Variants in ADAM12 observed in about 807,000 individuals in gnomAD.
The protein encoded by ADAM12 is ADAM metallopeptidase domain 12.
A neutral mutation model predicts 106.4 loss-of-function variants in ADAM12; 70 were observed. That is an observed-to-expected ratio of 0.66 (90% CI 0.54 to 0.80). The LOEUF (loss-of-function observed/expected upper bound fraction) is 0.80. Ranked by LOEUF, ADAM12 falls within the 30% of genes least tolerant of loss-of-function variation. ADAM12 has a pLI of 0.00. For missense variants in ADAM12, 1,010 were observed against 1,171.9 expected (o/e 0.86, Z 2.02); for synonymous variants, 420 against 433.5 (o/e 0.97, Z 0.39).
chr10:126,351,047 C>T (rs3847473), intron 1 of ADAM12, among the ~76,000 whole-genome samples: 10,494 of 152,268 alleles, frequency 0.069, 680 homozygotes, highest in East Asian at 0.25. Flanking sequence ...TGAAATGAAG[C>T]AGGGTGTGGA....
chr10:126,292,578 C>A (rs1960201816), intron 2 of ADAM12, among the ~76,000 whole-genome samples: 1 of 152,206 alleles, frequency 6.6e-6, no homozygotes, highest in African/African-American at 2.4e-5. Context: ...CTCCACCTGC[C>A]TCCTCTTCCT....
At chr10:126,229,191 G>A (rs1483898404) in intron 3 of ADAM12, among the ~76,000 whole-genome samples, 2 of 152,050 alleles carry the variant, frequency 1.3e-5, no homozygotes, top group Admixed American at 6.6e-5. Context: ...GGAGGGAGAG[G>A]AACCAGGAGG....
In ADAM12 at chr10:126,015,660, G is replaced by A. The variant is rs1953649434; in HGVS notation, c.*1619C>T. ...CACCGGGAAAGTGAAATGCAGTTTT[G>A]TTTTCTGGAAGGCAAACCAAGATTC... On this transcript the variant is annotated 3_prime_UTR_variant, in exon 23 of 23. Coordinates refer to ENST00000448723, the MANE Select transcript of ADAM12 (RefSeq NM_001288973.2). 6.6e-6 allele frequency: 1 copy of A among 152,100 alleles called. No individual in the cohort carries two copies. Among genetic ancestry groups the A allele is most frequent in the African/African-American group, 2.4e-5 (1 of 41,424 alleles). 9.4% of individuals were successfully genotyped at this position (152,100 alleles called of 1,614,324 possible).
At chr10:126,030,300 A>T (rs542965635) in intron 21 of ADAM12, among the ~76,000 whole-genome samples, 1 of 152,220 alleles carries the variant, frequency 6.6e-6, no homozygotes, top group East Asian at 1.9e-4. Flanking sequence ...TCCAATTTTG[A>T]GTGTTTGAAA....
At chr10:126,027,382 C>G (rs572618841) in intron 21 of ADAM12, among the ~76,000 whole-genome samples, 1 of 152,010 alleles carries the variant, frequency 6.6e-6, no homozygotes, top group Admixed American at 6.5e-5. Flanking sequence ...TCTGTGAGGC[C>G]AACAGCATCC....
intron 6 of ADAM12, among the ~76,000 whole-genome samples, chr10:126,117,294 C>T (rs73378660): frequency 0.018 from 2,703 of 152,240 alleles, 77 homozygotes; most frequent in African/African-American, 0.062. Context: ...TGACACTACA[C>T]GTGTCAGGAA....
intron 3 of ADAM12, among the ~76,000 whole-genome samples, chr10:126,251,835 T>A (rs1170082915): frequency 7.2e-6 from 1 of 137,968 alleles, no homozygotes; most frequent in Non-Finnish European, 1.5e-5. Flanking sequence ...ATAGGATAGA[T>A]GGATGAATGG....
At chr10:126,280,232 A>T (rs1460150535) in intron 2 of ADAM12, among the ~76,000 whole-genome samples, 1 of 152,146 alleles carries the variant, frequency 6.6e-6, no homozygotes, top group African/African-American at 2.4e-5. Flanking sequence ...TTGGGAAAAA[A>T]AAATGAGTTA....
In ADAM12 at chr10:126,077,106, A is replaced by G. The variant is rs1955117867; in HGVS notation, c.1146-5452T>C. On this transcript the variant is annotated intron_variant, in intron 11 of 22. Transcript: ENST00000448723. ...AAACCAGTAGCATTTCTCTACACCAATAATGTTCTAGCTGAGAACAAAATC... is the reference window on the plus strand; with the variant it reads ...AAACCAGTAGCATTTCTCTACACCAGTAATGTTCTAGCTGAGAACAAAATC... Among the ~76,000 whole-genome samples, 3 of 152,208 alleles carry G rather than the reference A, an allele frequency of 2.0e-5. No individual in the cohort carries two copies. In the East Asian group the frequency reaches 5.8e-4, roughly 29 times the overall value.
At chr10:126,187,444 A>G (rs565691985) in intron 3 of ADAM12, among the ~76,000 whole-genome samples, 1 of 152,320 alleles carries the variant, frequency 6.6e-6, no homozygotes, top group African/African-American at 2.4e-5. Context: ...CAAGGAAATC[A>G]AAATGCTGAC....
intron 3 of ADAM12, among the ~76,000 whole-genome samples, chr10:126,247,294 G>T (rs1033558582): frequency 6.6e-6 from 1 of 152,134 alleles, no homozygotes; most frequent in African/African-American, 2.4e-5. Flanking sequence ...AAATATCACT[G>T]CATAAAATGT....
At chr10:126,247,009 T>C (rs545292270) in intron 3 of ADAM12, among the ~76,000 whole-genome samples, 1 of 152,322 alleles carries the variant, frequency 6.6e-6, no homozygotes, top group African/African-American at 2.4e-5. Flanking sequence ...AGCCCAAAAG[T>C]TGCTTAAACT....
chr10:126,051,640 T>G (rs11593638), intron 14 of ADAM12, among the ~76,000 whole-genome samples: 4 of 150,636 alleles, frequency 2.7e-5, no homozygotes, highest in East Asian at 2.0e-4. Context: ...CGTCCATCCA[T>G]CCAGCCAGCC....
At chr10:126,128,201 A>G (rs182891455) in intron 5 of ADAM12, among the ~76,000 whole-genome samples, 3 of 152,246 alleles carry the variant, frequency 2.0e-5, no homozygotes, top group Admixed American at 2.0e-4. Flanking sequence ...CCATGAGGAC[A>G]AGGAAAGGTG....
intron 3 of ADAM12, among the ~76,000 whole-genome samples, chr10:126,274,149 G>A (rs1391433669): frequency 6.6e-6 from 1 of 152,152 alleles, no homozygotes; most frequent in East Asian, 1.9e-4. Flanking sequence ...CCTATGATGA[G>A]CCACGCTGTC....
intron 3 of ADAM12, among the ~76,000 whole-genome samples, chr10:126,188,248 C>T (rs1477414792): frequency 2.6e-5 from 4 of 152,170 alleles, no homozygotes; most frequent in African/African-American, 9.6e-5. Flanking sequence ...GGAATCTAAG[C>T]TTTTACAACT....
intron 3 of ADAM12, among the ~76,000 whole-genome samples, chr10:126,240,609 C>A (rs937872688): frequency 3.3e-5 from 5 of 152,214 alleles, no homozygotes; most frequent in Non-Finnish European, 7.3e-5. Context: ...GACCTGAAGG[C>A]TGAGAAGGAG....
rs192496165 is a variant in ADAM12, at chr10:126,047,684, A to G, written c.1918-1552T>C. On this transcript the variant is annotated intron_variant, in intron 16 of 22. Coordinates refer to ENST00000448723, the MANE Select transcript of ADAM12 (RefSeq NM_001288973.2). ...GTTGTGGAGAAAAAGGAACACTTAT[A>G]TACTGCTGGTGGAGTGTAAATTAGT... Among the ~76,000 whole-genome samples, 3 of 152,362 alleles carry G rather than the reference A, an allele frequency of 2.0e-5. No individual in the cohort carries two copies. In the East Asian group the frequency reaches 5.8e-4, roughly 29 times the overall value.
At chr10:126,033,959 A>G (rs997990396) in intron 21 of ADAM12, among the ~76,000 whole-genome samples, 1 of 152,250 alleles carries the variant, frequency 6.6e-6, no homozygotes, top group East Asian at 1.9e-4. Flanking sequence ...ATGGCTAAAG[A>G]AAGTTTTTCA....
Sources: gnomAD v4.1 joint callset for allele counts (sites outside exome capture counted in the v4.1 genomes callset) on GRCh38, gnomAD v4.1.1 for gene constraint, MANE v1.5 for transcripts, NCBI Gene and HGNC (gene_info 2026-07-23, HGNC 2026-07-21) for gene names.